GPC6: variants seen among roughly 807,000 people sequenced by gnomAD.
GPC6 encodes the protein glypican 6, also known as glypican-6.
Under a neutral mutation model 55.2 loss-of-function variants are expected in GPC6, and 14 were observed. The ratio of observed to expected loss-of-function variants is 0.25; its 90% CI spans 0.17 to 0.40. The LOEUF (loss-of-function observed/expected upper bound fraction) is 0.40, where lower values mean the gene tolerates loss of function less well. Ranked by LOEUF, GPC6 falls within the 10% of genes least tolerant of loss-of-function variation. The pLI is 1.00. For missense variants in GPC6, 641 were observed against 708.5 expected (o/e 0.90, Z 1.08); for synonymous variants, 278 against 259.6 (o/e 1.07, Z -0.68).
At position 94,248,555 on chromosome 13, in the gene GPC6, T is replaced by C. The variant is rs16949662; in HGVS notation, c.878-37794T>C. On this transcript the variant is annotated intron_variant, in intron 4 of 8. Coordinates refer to ENST00000377047, the MANE Select transcript of GPC6 (RefSeq NM_005708.5). Reference sequence around the variant, plus strand: ...CATAAATATCACCCAAGAACCTGAATGCCAAAAATAAGTATGCAATGCCTT... The same window carrying C: ...CATAAATATCACCCAAGAACCTGAACGCCAAAAATAAGTATGCAATGCCTT... 8.8e-3 allele frequency among the ~76,000 whole-genome samples: 1,343 copies of C among 152,136 alleles called. 81 individuals are homozygous for C. Among genetic ancestry groups the C allele is most frequent in the Admixed American group, 0.08 (1,220 of 15,250 alleles).
chr13:93,698,521 T>C (rs1882550043), intron 2 of GPC6, among the ~76,000 whole-genome samples: 1 of 123,046 alleles, frequency 8.1e-6, no homozygotes, highest in East Asian at 2.3e-4. Flanking sequence ...ACTGTCAGGT[T>C]AGGGCGTTTG....
intron 6 of GPC6, among the ~76,000 whole-genome samples, chr13:94,319,025 A>G (rs1334849449): frequency 6.6e-6 from 1 of 152,184 alleles, no homozygotes; most frequent in African/African-American, 2.4e-5. Flanking sequence ...AAAATCCAGA[A>G]TAACAATCTT....
At chr13:93,378,728 G>T (rs925177619) in intron 1 of GPC6, among the ~76,000 whole-genome samples, 8 of 152,080 alleles carry the variant, frequency 5.3e-5, no homozygotes, top group African/African-American at 1.9e-4. Flanking sequence ...GGGCGCGGTG[G>T]CTCACGCTTG....
chr13:93,920,691 C>T (rs899230521), intron 3 of GPC6, among the ~76,000 whole-genome samples: 2 of 152,194 alleles, frequency 1.3e-5, no homozygotes, highest in African/African-American at 4.8e-5. Context: ...AATCCTCCTT[C>T]GTCTTCCCCA....
At chr13:93,434,986 T>TGAGC (rs1404007829) in intron 1 of GPC6, among the ~76,000 whole-genome samples, 19 of 152,228 alleles carry the variant, frequency 1.2e-4, no homozygotes, top group African/African-American at 4.6e-4. Context: ...ATTACAGGTG[T>TGAGC]GAGCCACTAT....
At chr13:94,237,788 T>TA (rs1289922065) in intron 4 of GPC6, among the ~76,000 whole-genome samples, 3 of 152,172 alleles carry the variant, frequency 2.0e-5, no homozygotes, top group African/African-American at 7.2e-5. Context: ...GCCAGGGTTA[T>TA]AATGGGAAGC....
At chr13:94,023,575 A>G (rs919158379) in intron 3 of GPC6, among the ~76,000 whole-genome samples, 1 of 152,086 alleles carries the variant, frequency 6.6e-6, no homozygotes, top group Non-Finnish European at 1.5e-5. Flanking sequence ...ATTTCTTACA[A>G]AACGAAACAT....
At chr13:93,997,581 A>ATGTGTG (rs146601294) in intron 3 of GPC6, among the ~76,000 whole-genome samples, 4,282 of 148,882 alleles carry the variant, frequency 0.029, 163 homozygotes, top group African/African-American at 0.086. Context: ...AAGACATAAT[A>ATGTGTG]TGTGTGTGTG....
intron 1 of GPC6, among the ~76,000 whole-genome samples, chr13:93,309,764 G>A (rs1351235634): frequency 6.6e-6 from 1 of 152,190 alleles, no homozygotes; most frequent in Non-Finnish European, 1.5e-5. Context: ...GGGATATAAT[G>A]TACGTAGTAA....
In GPC6 at chr13:93,234,711, C is replaced by CAAGAGAGAGAGAGGGAAGGAAGAGAGAG. The variant is rs1362412188; in HGVS notation, c.160+7104_160+7131dup. ...GTGAGAGAGAGAGAGAGAGAGAGTG[C>CAAGAGAGAGAGAGGGAAGGAAGAGAGAG]AAGAGAGAGAGAGGGAAGGAAGAGA... is the stretch of plus-strand genomic sequence containing the variant. On this transcript the variant is annotated intron_variant, in intron 1 of 8. Transcript: ENST00000377047. 2.0e-5 allele frequency among the ~76,000 whole-genome samples: 3 copies of CAAGAGAGAGAGAGGGAAGGAAGAGAGAG among 149,972 alleles called. No homozygotes were observed. In the East Asian group the frequency reaches 5.9e-4, roughly 30 times the overall value.
intron 3 of GPC6, among the ~76,000 whole-genome samples, chr13:93,984,601 A>G (rs975932750): frequency 6.6e-6 from 1 of 152,210 alleles, no homozygotes; most frequent in African/African-American, 2.4e-5. Context: ...CAAAAGTATG[A>G]TCTATGTAAG....
chr13:93,860,302 A>G (rs1187133633), intron 3 of GPC6, among the ~76,000 whole-genome samples: 1 of 151,704 alleles, frequency 6.6e-6, no homozygotes, highest in East Asian at 2.0e-4. Context: ...ATGTATGTCC[A>G]AGGCCTTATT....
At chr13:94,240,665 A>T (rs1891030741) in intron 4 of GPC6, among the ~76,000 whole-genome samples, 1 of 152,078 alleles carries the variant, frequency 6.6e-6, no homozygotes, top group Admixed American at 6.5e-5. Context: ...AATAAAAGTC[A>T]TACAGGTAGT....
intron 4 of GPC6, among the ~76,000 whole-genome samples, chr13:94,109,515 A>G (rs1416120211): frequency 6.6e-6 from 1 of 151,818 alleles, no homozygotes; most frequent in Non-Finnish European, 1.5e-5. Flanking sequence ...AAAGTATGGC[A>G]TGACAGACAG....
chr13:93,428,223 A>G (rs1174770286), intron 1 of GPC6, among the ~76,000 whole-genome samples: 1 of 152,218 alleles, frequency 6.6e-6, no homozygotes, highest in Non-Finnish European at 1.5e-5. Flanking sequence ...ATTTATGTAT[A>G]ATATAATAAC....
chr13:93,305,543 T>A (rs1878827625), intron 1 of GPC6, among the ~76,000 whole-genome samples: 1 of 152,174 alleles, frequency 6.6e-6, no homozygotes, highest in Admixed American at 6.5e-5. Flanking sequence ...CGATGCCAAC[T>A]CTATCCATGA....
Position 94,250,397 on chromosome 13 carries a change from T to C in GPC6, c.878-35952T>C, listed in dbSNP as rs118022857. On this transcript the variant is annotated intron_variant, in intron 4 of 8. Transcript: ENST00000377047. ...TTTCTTACATTTATTTCACACCATG[T>C]GGAAATATTTTATCAATGGTCAATT... Among the ~76,000 whole-genome samples the C allele has an allele frequency of 1.8e-3, 276 of 152,282 alleles. 6 individuals carry two copies. The East Asian group carries it at 0.037, about 20-fold the overall frequency.
At chr13:94,081,116 A>G (rs1351309366) in intron 4 of GPC6, among the ~76,000 whole-genome samples, 3 of 152,188 alleles carry the variant, frequency 2.0e-5, no homozygotes, top group African/African-American at 4.8e-5. Flanking sequence ...CCCTCAAGCA[A>G]TAGGCTTATC....
At chr13:93,692,718 G>T (rs73545523) in intron 2 of GPC6, among the ~76,000 whole-genome samples, 6,319 of 152,010 alleles carry the variant, frequency 0.042, 446 homozygotes, top group African/African-American at 0.14. Flanking sequence ...ATAAAATCAG[G>T]TGAAGCAAAT....
Sources: allele counts gnomAD v4.1 joint callset (sites outside exome capture counted in the v4.1 genomes callset), GRCh38; gene constraint gnomAD v4.1.1; transcripts MANE v1.5; gene names NCBI Gene and HGNC (gene_info 2026-07-23, HGNC 2026-07-21).